FIGN: variants seen among roughly 807,000 people sequenced by gnomAD.
FIGN encodes the protein fidgetin, microtubule severing factor, also known as fidgetin.
FIGN carries 11 observed loss-of-function variants against 51.3 expected under a neutral mutation model. The observed-to-expected ratio is 0.21, with a 90% CI of 0.13 to 0.35. The LOEUF is 0.35. Among genes scored for constraint, FIGN ranks in the 10% least tolerant of loss-of-function variants. FIGN has a pLI of 1.00. For missense variants in FIGN, 857 were observed against 943.6 expected (o/e 0.91, Z 1.20); for synonymous variants, 407 against 363.2 (o/e 1.12, Z -1.37).
rs567249872 is a variant in FIGN, at chr2:163,672,802, C to T, written c.26-60996G>A. On this transcript the variant is annotated intron_variant, in intron 2 of 2. Coordinates refer to ENST00000333129, the MANE Select transcript of FIGN (RefSeq NM_018086.4). Reference sequence around the variant, plus strand: ...TCTCCTGGGTGCAGAGTCCTTAGTTCAGTGTCTTTTGAGAAAACTGTAAAG... The same window carrying T: ...TCTCCTGGGTGCAGAGTCCTTAGTTTAGTGTCTTTTGAGAAAACTGTAAAG... Among the ~76,000 whole-genome samples, 5 of 152,272 alleles carry T rather than the reference C, an allele frequency of 3.3e-5. No individual in the cohort carries two copies. In the East Asian group the frequency reaches 7.7e-4, roughly 24 times the overall value.
At chr2:163,662,808 G>A (rs1179778504) in intron 2 of FIGN, among the ~76,000 whole-genome samples, 1 of 152,176 alleles carries the variant, frequency 6.6e-6, no homozygotes, top group African/African-American at 2.4e-5. Flanking sequence ...CATGGGGGCT[G>A]GTCTTTGCTG....
intron 1 of FIGN, 85 bp downstream of exon 1, chr2:163,735,753 C>T (rs947013944): frequency 1.3e-5 from 2 of 152,604 alleles, no homozygotes; most frequent in South Asian, 2.1e-4. Context: ...CTTTTAATTA[C>T]AGGTCTTGGA....
intron 2 of FIGN, among the ~76,000 whole-genome samples, chr2:163,712,630 C>T (rs559327614): frequency 6.6e-6 from 1 of 151,930 alleles, no homozygotes; most frequent in Non-Finnish European, 1.5e-5. Flanking sequence ...AGTTCAAATG[C>T]TTGGTTATAT....
chr2:163,648,742 A>G (rs889034962), intron 2 of FIGN, among the ~76,000 whole-genome samples: 1 of 152,186 alleles, frequency 6.6e-6, no homozygotes, highest in African/African-American at 2.4e-5. Flanking sequence ...TTAGAAAACC[A>G]ATGAAAATCA....
chr2:163,676,403 T>C (rs1683964689), intron 2 of FIGN, among the ~76,000 whole-genome samples: 1 of 137,064 alleles, frequency 7.3e-6, no homozygotes, highest in Non-Finnish European at 1.6e-5. Context: ...AAAATGAAAA[T>C]ATATAATTAA....
intron 2 of FIGN, among the ~76,000 whole-genome samples, chr2:163,663,200 C>T (rs945479901): frequency 2.6e-5 from 4 of 151,296 alleles, no homozygotes; most frequent in African/African-American, 7.3e-5. Context: ...GGATTACAGG[C>T]GTGATCGACC....
intron 2 of FIGN, among the ~76,000 whole-genome samples, chr2:163,667,205 C>T (rs535707608): frequency 6.6e-6 from 1 of 151,946 alleles, no homozygotes; most frequent in Non-Finnish European, 1.5e-5. Flanking sequence ...TGACTTCTTT[C>T]GCCATTCTAC....
intron 2 of FIGN, among the ~76,000 whole-genome samples, chr2:163,647,122 C>T (rs1355799513): frequency 1.3e-5 from 2 of 152,224 alleles, no homozygotes; most frequent in Non-Finnish European, 2.9e-5. Flanking sequence ...AAGGCTCTCT[C>T]TGTTTTGGGT....
chr2:163,645,212 T>C (rs1037959945), intron 2 of FIGN, among the ~76,000 whole-genome samples: 2 of 152,090 alleles, frequency 1.3e-5, no homozygotes, highest in Non-Finnish European at 2.9e-5. Flanking sequence ...ATGCAAAGGC[T>C]TTTCAGGTAT....
At chr2:163,646,638 T>A (rs938152659) in intron 2 of FIGN, among the ~76,000 whole-genome samples, 5 of 152,232 alleles carry the variant, frequency 3.3e-5, no homozygotes, top group African/African-American at 1.2e-4. Context: ...AGAACTGGCA[T>A]ATAAATGTGC....
At chr2:163,657,197 T>C (rs1025754877) in intron 2 of FIGN, among the ~76,000 whole-genome samples, 1 of 151,510 alleles carries the variant, frequency 6.6e-6, no homozygotes, top group Non-Finnish European at 1.5e-5. Context: ...AAAGAAATAA[T>C]ATTTCCAATA....
intron 2 of FIGN, among the ~76,000 whole-genome samples, chr2:163,690,992 T>G (rs1310943435): frequency 1.3e-5 from 2 of 152,166 alleles, no homozygotes; most frequent in Admixed American, 1.3e-4. Context: ...CGACTTAACA[T>G]TTTTCAATAT....
At chr2:163,729,052 A>G (rs1018764543) in intron 2 of FIGN, among the ~76,000 whole-genome samples, 1 of 152,210 alleles carries the variant, frequency 6.6e-6, no homozygotes. Flanking sequence ...ATAATATTTC[A>G]TCATGAACTA....
At chr2:163,683,687 C>T (rs1440777476) in intron 2 of FIGN, among the ~76,000 whole-genome samples, 1 of 152,094 alleles carries the variant, frequency 6.6e-6, no homozygotes, top group East Asian at 1.9e-4. Context: ...GGTTCTCACC[C>T]CCTGGAGACT....
chr2:163,728,979 A>G (rs903767043), intron 2 of FIGN, among the ~76,000 whole-genome samples: 1 of 152,184 alleles, frequency 6.6e-6, no homozygotes, highest in East Asian at 1.9e-4. Flanking sequence ...CGACATACAG[A>G]AACCCACGGC....
At chr2:163,627,468 T>A (rs1427444205) in intron 2 of FIGN, among the ~76,000 whole-genome samples, 1 of 152,114 alleles carries the variant, frequency 6.6e-6, no homozygotes, top group African/African-American at 2.4e-5. Flanking sequence ...CAACTGGGCA[T>A]AATAAAATGG....
rs1574217227 is a variant in FIGN, at chr2:163,603,104, G to C, written c.*6448C>G. 6.6e-6 allele frequency: 1 copy of C among 152,124 alleles called. No homozygotes were observed. The highest frequency in any genetic ancestry group is 1.5e-5 in the Non-Finnish European group (1 of 67,972). The allele number at this position is 152,124 out of a possible 1,614,324, so 9.4% of individuals were successfully genotyped here. On this transcript the variant is annotated 3_prime_UTR_variant, in exon 3 of 3. Transcript: ENST00000333129. ...TTCACAAATTATATGAATTCATTTT[G>C]CAAGTGATGGATAATTTAAGCTTTC... is the stretch of plus-strand genomic sequence containing the variant.
chr2:163,725,200 T>C (rs1684820926), intron 2 of FIGN, among the ~76,000 whole-genome samples: 1 of 152,102 alleles, frequency 6.6e-6, no homozygotes, highest in Admixed American at 6.5e-5. Context: ...TGAAATGAAA[T>C]TTGATTTTCC....
At chr2:163,617,138 A>G (rs1400495474) in intron 2 of FIGN, 4 of 985,186 alleles carry the variant, frequency 4.1e-6, no homozygotes, top group African/African-American at 1.7e-5. Context: ...AAATTTCTTC[A>G]GCCCATTCCC....
Sources: allele counts gnomAD v4.1 joint callset (sites outside exome capture counted in the v4.1 genomes callset), GRCh38; gene constraint gnomAD v4.1.1; transcripts MANE v1.5; gene names NCBI Gene and HGNC (gene_info 2026-07-23, HGNC 2026-07-21).